The following CHM variants were observed in gnomAD, a reference collection of about 807,000 sequenced individuals.
CHM encodes rab proteins geranylgeranyltransferase component A 1.
A neutral mutation model predicts 49.0 loss-of-function variants in CHM; 10 were observed. That is an observed-to-expected ratio of 0.20 (90% CI 0.13 to 0.35). The LOEUF is 0.35. CHM is among the 10% of genes least tolerant of loss of function. The pLI, the probability that CHM is intolerant of heterozygous loss-of-function variation, is 1.00. For synonymous variants in CHM, 184 were observed against 167.5 expected (o/e 1.10, Z -0.76); for missense variants, 455 against 478.4 (o/e 0.95, Z 0.46).
intron 2 of CHM, among the ~76,000 whole-genome samples, chrX:85,985,000 A>AC (rs1447867043): frequency 9.0e-6 from 1 of 111,305 alleles, no homozygotes; most frequent in Non-Finnish European, 1.9e-5. Context: ...GGGAGGTTAG[A>AC]CCCCCATACA....
chrX:85,930,544 C>T (rs763628438), intron 8 of CHM, among the ~76,000 whole-genome samples: 20 of 112,098 alleles, frequency 1.8e-4, no homozygotes, highest in Admixed American at 7.6e-4. Context: ...ATAACTGGCA[C>T]GCTTTAGTCT....
At chrX:86,046,148 TG>T (rs763338643) in intron 1 of CHM, among the ~76,000 whole-genome samples, 1 of 112,369 alleles carries the variant, frequency 8.9e-6, no homozygotes, top group African/African-American at 3.2e-5. Flanking sequence ...ATTTAGTGCC[TG>T]GCCCTCCCAA....
At chrX:85,889,281 T>C (rs1469405064) in intron 12 of CHM, among the ~76,000 whole-genome samples, 1 of 111,703 alleles carries the variant, frequency 9.0e-6, no homozygotes. Context: ...ACAAACAAAC[T>C]ATAGAATGGG....
At chrX:85,929,956 G>A (rs1443719671) in intron 8 of CHM, among the ~76,000 whole-genome samples, 2 of 110,469 alleles carry the variant, frequency 1.8e-5, no homozygotes, top group African/African-American at 6.6e-5. Flanking sequence ...ACAAAAATTA[G>A]CCAGGTGTGG....
At chrX:85,894,654 A>G (rs1380634754) in intron 11 of CHM, among the ~76,000 whole-genome samples, 1 of 111,713 alleles carries the variant, frequency 9.0e-6, no homozygotes, top group Non-Finnish European at 1.9e-5. Context: ...GTTAGATTTT[A>G]GATATTCAGA....
At chrX:85,959,242 T>A (rs1410309060) in intron 5 of CHM, among the ~76,000 whole-genome samples, 1 of 111,864 alleles carries the variant, frequency 8.9e-6, no homozygotes, top group African/African-American at 3.2e-5. Flanking sequence ...TCTGGCTTTG[T>A]TTGTCCAAAT....
chrX:86,041,997 T>C (rs1220720600), intron 1 of CHM, among the ~76,000 whole-genome samples: 3 of 109,464 alleles, frequency 2.7e-5, no homozygotes, highest in Middle Eastern at 4.7e-3. Flanking sequence ...GTTAGAAATA[T>C]AGGAAATCAC....
rs980619457 is a variant in CHM, at chrX:85,862,244, G to A, written c.*2386C>T. 23 of 112,063 alleles carry A rather than the reference G, an allele frequency of 2.1e-4. No homozygotes were observed. The highest frequency in any genetic ancestry group is 6.8e-4 in the African/African-American group (21 of 30,785). 9.2% of individuals were successfully genotyped at this position (112,063 alleles called of 1,213,427 possible). On this transcript the variant is annotated 3_prime_UTR_variant, in exon 15 of 15. Transcript: ENST00000357749. Reference sequence around the variant, plus strand: ...TCTACATATAGGTGGCTGCAGTAAGGCCAATAGAATTTTTGTGGTTATTCT... The same window carrying A: ...TCTACATATAGGTGGCTGCAGTAAGACCAATAGAATTTTTGTGGTTATTCT...
At chrX:86,013,734 A>C (rs1569251299) in intron 2 of CHM, among the ~76,000 whole-genome samples, 1 of 50,345 alleles carries the variant, frequency 2.0e-5, no homozygotes, top group Non-Finnish European at 6.5e-5. Flanking sequence ...ACTTCGTCTC[A>C]AAAAAAAAAA....
At chrX:85,934,222 T>C (rs1375660835) in intron 8 of CHM, among the ~76,000 whole-genome samples, 2 of 106,426 alleles carry the variant, frequency 1.9e-5, no homozygotes, top group South Asian at 4.5e-4. Context: ...CCTTGTGATC[T>C]GCCCACCTTG....
At position 85,963,983 on chromosome X, in the gene CHM, T is replaced by C; in HGVS notation, c.384A>G (p.Ala128=). The change falls in exon 5 of 15, where the codon GCA becomes GCG. Residue 128 remains alanine, a synonymous_variant. Coordinates refer to ENST00000357749, the MANE Select transcript of CHM (RefSeq NM_000390.4). ...CAGAATCTGCAGCTTCTGTGGAGTT[T>C]GCAGATGTCACAAGAGCATGATTTT... is the stretch of plus-strand genomic sequence containing the variant. ...LQKNHALVTS[A]NSTEAADSAF... 1.2e-5 allele frequency: 15 copies of C among 1,210,187 alleles called. No individual in the cohort carries two copies. The highest frequency in any genetic ancestry group is 1.7e-5 in the Non-Finnish European group (15 of 894,737).
intron 4 of CHM, chrX:85,971,005 G>A (rs1930868824): frequency 1.5e-6 from 1 of 660,099 alleles, no homozygotes; most frequent in Non-Finnish European, 1.8e-6. Flanking sequence ...AAACCTTTAA[G>A]TTGAATAATA....
intron 2 of CHM, among the ~76,000 whole-genome samples, chrX:86,023,783 A>C (rs1933702937): frequency 9.0e-6 from 1 of 111,456 alleles, no homozygotes; most frequent in South Asian, 3.8e-4. Context: ...TGTGTGACAT[A>C]AAGATTATAC....
chrX:85,885,571 TC>T (rs1449775022), intron 12 of CHM, among the ~76,000 whole-genome samples: 1 of 111,489 alleles, frequency 9.0e-6, no homozygotes, highest in Non-Finnish European at 1.9e-5. Flanking sequence ...TCATTTACTT[TC>T]TATAAAATTC....
At chrX:86,005,851 G>C (rs747962004) in intron 2 of CHM, among the ~76,000 whole-genome samples, 7 of 111,685 alleles carry the variant, frequency 6.3e-5, no homozygotes, top group African/African-American at 2.3e-4. Context: ...GGAGCTGGTA[G>C]CAATCCTTCT....
intron 2 of CHM, among the ~76,000 whole-genome samples, chrX:86,022,887 A>C (rs781136338): frequency 9.0e-6 from 1 of 111,398 alleles, no homozygotes; most frequent in African/African-American, 3.3e-5. Context: ...TCCTTGCATA[A>C]GTAAATGAAA....
At chrX:86,005,205 T>A (rs1932826887) in intron 2 of CHM, among the ~76,000 whole-genome samples, 1 of 112,003 alleles carries the variant, frequency 8.9e-6, no homozygotes, top group South Asian at 3.7e-4. Context: ...AACATGTTCT[T>A]TGAAACCAAT....
At chrX:85,941,409 A>G (rs1929100664) in intron 8 of CHM, among the ~76,000 whole-genome samples, 1 of 111,655 alleles carries the variant, frequency 9.0e-6, no homozygotes, top group Non-Finnish European at 1.9e-5. Flanking sequence ...AAGCTTGGAA[A>G]AACACTGCTC....
At chrX:85,922,843 C>T (rs762736349) in intron 8 of CHM, among the ~76,000 whole-genome samples, 1 of 111,940 alleles carries the variant, frequency 8.9e-6, no homozygotes, top group South Asian at 3.7e-4. Context: ...TAAGGTTTTA[C>T]TCTATTCAGC....
Sources: gnomAD v4.1 joint callset for allele counts (sites outside exome capture counted in the v4.1 genomes callset) on GRCh38, gnomAD v4.1.1 for gene constraint, MANE v1.5 for transcripts, NCBI Gene and HGNC (gene_info 2026-07-23, HGNC 2026-07-21) for gene names.